MAGI2: variants seen among roughly 807,000 people sequenced by gnomAD.
MAGI2 encodes membrane-associated guanylate kinase, WW and PDZ domain-containing protein 2.
In MAGI2, 35 loss-of-function variants were observed where a neutral mutation model predicts 133.3. The ratio of observed to expected loss-of-function variants is 0.26; its 90% CI spans 0.20 to 0.35. MAGI2 has a LOEUF of 0.35. Among genes scored for constraint, MAGI2 ranks in the 10% least tolerant of loss-of-function variants. The pLI is 1.00. For synonymous variants in MAGI2, 729 were observed against 710.6 expected, an observed-to-expected ratio of 1.03 and a Z score of -0.41; for missense variants, 1,636 against 1,863.4, an observed-to-expected ratio of 0.88 and a Z score of 2.25.
chr7:78,246,200 T>C (rs1791762250), intron 10 of MAGI2, among the ~76,000 whole-genome samples: 1 of 152,130 alleles, frequency 6.6e-6, no homozygotes, highest in South Asian at 2.1e-4. Context: ...AGCTCCCCCA[T>C]GTCTGAGCTG....
At chr7:79,396,158 T>C (rs545736895) in intron 1 of MAGI2, among the ~76,000 whole-genome samples, 2 of 152,200 alleles carry the variant, frequency 1.3e-5, no homozygotes, top group Admixed American at 1.3e-4. Context: ...GGCTCATAAC[T>C]AGATTGCATT....
chr7:78,613,515 A>G (rs1253063686), intron 3 of MAGI2, among the ~76,000 whole-genome samples: 3 of 152,250 alleles, frequency 2.0e-5, no homozygotes, highest in Non-Finnish European at 4.4e-5. Flanking sequence ...GAACTATAGT[A>G]GAGAATTCAC....
At chr7:79,430,681 T>C (rs183239334) in intron 1 of MAGI2, among the ~76,000 whole-genome samples, 5 of 152,326 alleles carry the variant, frequency 3.3e-5, no homozygotes, top group African/African-American at 1.2e-4. Context: ...ACTGCTGGTA[T>C]TGTGACATAT....
intron 1 of MAGI2, among the ~76,000 whole-genome samples, chr7:79,397,084 T>C (rs1182533416): frequency 6.6e-6 from 1 of 151,272 alleles, no homozygotes; most frequent in Non-Finnish European, 1.5e-5. Context: ...GTTTTACATA[T>C]ATATGCTTTT....
chr7:78,318,079 C>A (rs1165301049), intron 9 of MAGI2, among the ~76,000 whole-genome samples: 3 of 152,196 alleles, frequency 2.0e-5, no homozygotes, highest in African/African-American at 7.2e-5. Context: ...CAAAGGATCA[C>A]AACTCCTCAC....
chr7:78,497,052 G>A (rs61541276), intron 5 of MAGI2, among the ~76,000 whole-genome samples: 46,269 of 151,920 alleles, frequency 0.3, 7,159 homozygotes, highest in South Asian at 0.47. Context: ...TTAAGGTAAC[G>A]CGAATACACC....
At chr7:79,019,751 G>A (rs1425215208) in intron 1 of MAGI2, among the ~76,000 whole-genome samples, 1 of 152,014 alleles carries the variant, frequency 6.6e-6, no homozygotes, top group Non-Finnish European at 1.5e-5. Context: ...CAGCATGTTG[G>A]CCAGGCTTGT....
At chr7:79,196,794 G>A (rs1466539359) in intron 1 of MAGI2, among the ~76,000 whole-genome samples, 1 of 151,724 alleles carries the variant, frequency 6.6e-6, no homozygotes, top group African/African-American at 2.4e-5. Context: ...TTGAGATAGG[G>A]TCTCACTCTG....
intron 20 of MAGI2, among the ~76,000 whole-genome samples, chr7:78,082,830 C>A (rs1005796167): frequency 6.6e-6 from 1 of 152,110 alleles, no homozygotes; most frequent in African/African-American, 2.4e-5. Flanking sequence ...TCAGTCCAGA[C>A]CTGGCTTCAA....
chr7:79,234,532 A>C (rs578192669), intron 1 of MAGI2, among the ~76,000 whole-genome samples: 13 of 151,640 alleles, frequency 8.6e-5, no homozygotes, highest in African/African-American at 2.9e-4. Flanking sequence ...TTCTCGCTTC[A>C]TTTCATTCAT....
chr7:78,515,572 G>A (rs1192596803), intron 4 of MAGI2, among the ~76,000 whole-genome samples: 1 of 152,102 alleles, frequency 6.6e-6, no homozygotes, highest in Non-Finnish European at 1.5e-5. Flanking sequence ...AAAGGTATAT[G>A]CTAATCGCTG....
At chr7:78,922,035 C>A (rs773745928) in intron 2 of MAGI2, among the ~76,000 whole-genome samples, 1 of 151,958 alleles carries the variant, frequency 6.6e-6, no homozygotes, top group Non-Finnish European at 1.5e-5. Flanking sequence ...TGATTTCCTA[C>A]GTTAGACTGA....
At chr7:78,354,874 C>T (rs769772450) in intron 7 of MAGI2, among the ~76,000 whole-genome samples, 4 of 152,068 alleles carry the variant, frequency 2.6e-5, no homozygotes, top group Non-Finnish European at 5.9e-5. Flanking sequence ...AATGTGACCG[C>T]AAGGTCTAGG....
chr7:78,614,219 G>A (rs748281100), intron 3 of MAGI2: 10 of 150,392 alleles, frequency 6.6e-5, no homozygotes, highest in Non-Finnish European at 1.2e-4. Context: ...CATAGGCTTT[G>A]AAGCAAGTGT....
chr7:79,113,378 G>T (rs544190076), intron 1 of MAGI2, among the ~76,000 whole-genome samples: 72 of 152,076 alleles, frequency 4.7e-4, no homozygotes, highest in Middle Eastern at 6.8e-3. Context: ...CATTTATTTG[G>T]TGCACTTTCA....
intron 2 of MAGI2, among the ~76,000 whole-genome samples, chr7:78,999,929 A>C (rs575037188): frequency 6.6e-6 from 1 of 152,220 alleles, no homozygotes; most frequent in Non-Finnish European, 1.5e-5. Flanking sequence ...TGGCAGCTTC[A>C]TTCTGAAGTA....
chr7:78,573,271 T>A (rs868814951), intron 3 of MAGI2, among the ~76,000 whole-genome samples: 3 of 22,114 alleles, frequency 1.4e-4, no homozygotes, highest in African/African-American at 1.5e-4. Context: ...TAAATATATA[T>A]AAATATATAT....
intron 21 of MAGI2, among the ~76,000 whole-genome samples, chr7:78,058,457 T>G (rs1328844585): frequency 6.7e-6 from 1 of 148,710 alleles, no homozygotes; most frequent in Non-Finnish European, 1.5e-5. Context: ...TATTTGAATG[T>G]TCACATACAT....
intron 1 of MAGI2, among the ~76,000 whole-genome samples, chr7:79,155,071 A>C (rs566144032): frequency 6.6e-6 from 1 of 152,248 alleles, no homozygotes; most frequent in South Asian, 2.1e-4. Context: ...GTTTATTAAA[A>C]TTTTCACAAG....
Sources: gnomAD v4.1 joint callset for allele counts (sites outside exome capture counted in the v4.1 genomes callset) on GRCh38, gnomAD v4.1.1 for gene constraint, MANE v1.5 for transcripts, NCBI Gene and HGNC (gene_info 2026-07-23, HGNC 2026-07-21) for gene names.